Variants in TDRD1 observed in about 807,000 individuals in gnomAD.
The protein encoded by TDRD1 is tudor domain containing 1.
A neutral mutation model predicts 140.6 loss-of-function variants in TDRD1; 37 were observed. That is an observed-to-expected ratio of 0.26 (90% CI 0.20 to 0.35). The LOEUF (loss-of-function observed/expected upper bound fraction) is 0.35. Among genes scored for constraint, TDRD1 ranks in the 10% least tolerant of loss-of-function variants. The pLI is 1.00. For synonymous variants in TDRD1, 506 were observed against 475.7 expected, an observed-to-expected ratio of 1.06 and a Z score of -0.83; for missense variants, 1,243 against 1,393.0, an observed-to-expected ratio of 0.89 and a Z score of 1.71.
chr10:114,203,222 G>C, intron 7 of TDRD1, 46 bp downstream of exon 7: 1 of 1,521,452 alleles, frequency 6.6e-7, no homozygotes, highest in Admixed American at 1.9e-5. Flanking sequence ...CCAGAGAACT[G>C]TATTTATTCT....
chr10:114,188,069 C>G, exon 2 of TDRD1: 1 of 1,613,982 alleles, frequency 6.2e-7, no homozygotes. Flanking sequence ...TTTGGCTAGT[C>G]AGGAAGACAA....
chr10:114,193,329 G>A (rs1033749420), intron 3 of TDRD1, among the ~76,000 whole-genome samples: 1 of 41,396 alleles, frequency 2.4e-5, no homozygotes, highest in African/African-American at 1.1e-4. Flanking sequence ...TTTTGTTCTT[G>A]TTGTCCAGGC....
intron 16 of TDRD1, among the ~76,000 whole-genome samples, chr10:114,216,646 G>A (rs896917980): frequency 1.3e-5 from 2 of 151,850 alleles, no homozygotes; most frequent in Non-Finnish European, 2.9e-5. Context: ...AGATCTCTGG[G>A]ACAAGTTGCT....
At chr10:114,204,760 A>C in exon 10 of TDRD1, 2 of 1,598,702 alleles carry the variant, frequency 1.3e-6, no homozygotes, top group Non-Finnish European at 1.7e-6. Flanking sequence ...TCCCAGCAGA[A>C]GGGAATTGGA....
chr10:114,228,254 C>A (rs2036554969), intron 25 of TDRD1: 1 of 1,437,544 alleles, frequency 7.0e-7, no homozygotes, highest in African/African-American at 1.4e-5. Context: ...GATTTAATGA[C>A]CTGAGGTTTG....
intron 19 of TDRD1, 22 bp from the exon 20 acceptor site, chr10:114,221,335 C>A: frequency 6.2e-7 from 1 of 1,610,064 alleles, no homozygotes; most frequent in Non-Finnish European, 8.5e-7. Context: ...CCGTGTGAGA[C>A]CTGTGTTTTG....
chr10:114,206,287 G>A (rs201594868), exon 11 of TDRD1: 18 of 1,613,162 alleles, frequency 1.1e-5, no homozygotes, highest in Non-Finnish European at 1.5e-5. Context: ...GATATGGCTT[G>A]AAACCCAGTG....
intron 2 of TDRD1, among the ~76,000 whole-genome samples, chr10:114,190,076 C>T (rs1229149644): frequency 6.6e-6 from 1 of 152,112 alleles, no homozygotes; most frequent in Non-Finnish European, 1.5e-5. Context: ...ATACCTGTCT[C>T]CGGGAGGCCA....
At chr10:114,198,312 G>A in intron 3 of TDRD1, among the ~76,000 whole-genome samples, 1 of 152,182 alleles carries the variant, frequency 6.6e-6, no homozygotes, top group East Asian at 1.9e-4. Context: ...ACACCACCTT[G>A]GTCGGGGTGG....
chr10:114,187,696 T>C, intron 1 of TDRD1, 130 bp from the exon 2 acceptor site: 1 of 825,212 alleles, frequency 1.2e-6, no homozygotes, highest in South Asian at 2.3e-5. Context: ...GTCATGGTTA[T>C]ATCTGCTTTG....
At position 114,184,589 on chromosome 10, in the gene TDRD1, G is replaced by A. The variant is rs144743522; in HGVS notation, c.-6-3237G>A. Among the ~76,000 whole-genome samples the A allele has an allele frequency of 3.2e-4, 49 of 152,350 alleles. No individual in the cohort carries two copies. In the East Asian group the frequency reaches 8.3e-3, roughly 26 times the overall value. On this transcript the variant is annotated intron_variant, in intron 1 of 25. Coordinates refer to ENST00000251864, the Ensembl canonical transcript of TDRD1. ...TCAGGAGAACTCTGTGGCCAGTAGT[G>A]TCGCTAACTGTAGCTGGCAAATCAG...
At chr10:114,217,709 A>T in intron 17 of TDRD1, 54 bp downstream of exon 17, 1 of 956,120 alleles carries the variant, frequency 1.0e-6, no homozygotes, top group Non-Finnish European at 1.6e-6. Flanking sequence ...TTCTTAACTT[A>T]ACCTTATTTT....
intron 3 of TDRD1, among the ~76,000 whole-genome samples, chr10:114,197,848 G>A (rs2034473907): frequency 6.6e-6 from 1 of 151,940 alleles, no homozygotes; most frequent in Non-Finnish European, 1.5e-5. Flanking sequence ...GTAGAGATGG[G>A]GTTCGCCATA....
At chr10:114,219,748 G>A (rs528371101) in intron 18 of TDRD1, among the ~76,000 whole-genome samples, 4 of 151,984 alleles carry the variant, frequency 2.6e-5, no homozygotes, top group East Asian at 3.9e-4. Context: ...GTGCCACCAC[G>A]CCCAACTAAT....
chr10:114,211,806 G>T, intron 13 of TDRD1, 60 bp from the exon 14 acceptor site: 1 of 1,421,588 alleles, frequency 7.0e-7, no homozygotes, highest in East Asian at 2.6e-5. Context: ...GAGGAAGAAA[G>T]GTTTTTATTT....
In TDRD1 at chr10:114,220,621, A is replaced by G. The variant is rs1302055615; in HGVS notation, c.2548A>G (p.Met850Val). The change falls in exon 19 of 26, where the codon ATG becomes GTG. Residue 850 changes from methionine to valine, a missense_variant. By Grantham distance (21) the Met-to-Val change is conservative (BLOSUM62 1). Around this residue, in one of 5 missense-constraint regions of TDRD1, gnomAD observed 601 missense variants for 734.7 expected, o/e 0.82. Coordinates refer to ENST00000251864, the Ensembl canonical transcript of TDRD1. ...TGAAGAAGCCATAACAAGATTCCAG[A>G]TGTGTGTTGCTGGGATAAAATTGCA... 16 of 1,613,228 alleles carry G rather than the reference A, an allele frequency of 9.9e-6. No individual in the cohort carries two copies. The South Asian group carries it at 1.5e-4, about 15-fold the overall frequency.
chr10:114,202,173 G>T, intron 5 of TDRD1, 65 bp from the exon 6 acceptor site: 1 of 1,240,464 alleles, frequency 8.1e-7, no homozygotes, highest in Non-Finnish European at 1.1e-6. Flanking sequence ...CCATAATTGT[G>T]GTTGATAGCC....
chr10:114,182,654 A>G (rs184904731), intron 1 of TDRD1, among the ~76,000 whole-genome samples: 30 of 152,088 alleles, frequency 2.0e-4, no homozygotes, highest in African/African-American at 5.8e-4. Context: ...AAGCAGTGCA[A>G]TAGTGCATTT....
chr10:114,211,395 G>A (rs910519287), intron 13 of TDRD1, among the ~76,000 whole-genome samples: 9 of 152,204 alleles, frequency 5.9e-5, no homozygotes, highest in African/African-American at 1.2e-4. Context: ...CCTGCCTTGC[G>A]ATAACCAGGT....
Sources: allele counts gnomAD v4.1 joint callset (sites outside exome capture counted in the v4.1 genomes callset), GRCh38; gene constraint gnomAD v4.1.1; regional missense constraint gnomAD v4.1.1; transcripts MANE v1.5; gene names NCBI Gene and HGNC (gene_info 2026-07-23, HGNC 2026-07-21).